Variants in MYO5A observed in about 807,000 individuals in gnomAD.
The protein encoded by MYO5A is myosin VA, also known as unconventional myosin-Va.
Under a neutral mutation model 249.7 loss-of-function variants are expected in MYO5A, and 98 were observed. The observed-to-expected ratio is 0.39, with a 90% CI of 0.33 to 0.46. The LOEUF (loss-of-function observed/expected upper bound fraction) is 0.46. Ranked by LOEUF, MYO5A falls within the 20% of genes least tolerant of loss-of-function variation. MYO5A has a pLI of 0.98. For synonymous variants in MYO5A, 778 were observed against 810.6 expected (o/e 0.96, Z 0.68); for missense variants, 1,696 against 2,308.8 (o/e 0.73, Z 5.44).
chr15:52,383,229 C>T (rs1360333103), intron 15 of MYO5A, 41 bp from the exon 16 acceptor site: 2 of 1,478,596 alleles, frequency 1.4e-6, no homozygotes, highest in Admixed American at 1.7e-5. Context: ...AGGCTTTGTC[C>T]AAAGTCAAAG....
At chr15:52,441,474 T>G (rs2950056) in intron 1 of MYO5A, among the ~76,000 whole-genome samples, 1 of 151,956 alleles carries the variant, frequency 6.6e-6, no homozygotes, top group Non-Finnish European at 1.5e-5. Context: ...CATTTCATCC[T>G]GCTCCCCACC....
intron 1 of MYO5A, among the ~76,000 whole-genome samples, chr15:52,493,360 A>G (rs968553358): frequency 6.6e-6 from 1 of 152,214 alleles, no homozygotes; most frequent in Non-Finnish European, 1.5e-5. Flanking sequence ...TGTTTCTTCC[A>G]TTTCAAAAAT....
At chr15:52,393,403 T>G (rs945918866) in intron 11 of MYO5A, among the ~76,000 whole-genome samples, 3 of 151,814 alleles carry the variant, frequency 2.0e-5, no homozygotes, top group Non-Finnish European at 4.4e-5. Flanking sequence ...TTCTTTTCTT[T>G]TTTTTTTTGA....
intron 5 of MYO5A, among the ~76,000 whole-genome samples, chr15:52,413,618 T>C (rs928445776): frequency 8.5e-5 from 13 of 152,182 alleles, no homozygotes; most frequent in African/African-American, 3.1e-4. Context: ...GGACATAGTA[T>C]TGAAGCGATT....
intron 38 of MYO5A, among the ~76,000 whole-genome samples, chr15:52,319,624 A>G (rs2038205272): frequency 6.6e-6 from 1 of 152,102 alleles, no homozygotes; most frequent in South Asian, 2.1e-4. Flanking sequence ...CCAGCTACTC[A>G]GAAGGCTGAG....
chr15:52,407,279 A>G lies in MYO5A; in HGVS notation c.946+13T>C, dbSNP rs756256275. 4 of 1,586,674 alleles carry G rather than the reference A, an allele frequency of 2.5e-6. No individual in the cohort carries two copies. In the Admixed American group the frequency reaches 5.0e-5, roughly 20 times the overall value. On this transcript the variant is annotated intron_variant, in intron 8 of 41. Transcript: ENST00000399233. ...CTATTCCTCTTAAGAGCTCAAGAATAAAGTGACATTACCTAGCAAAGTGCA... is the reference window on the plus strand; with the variant it reads ...CTATTCCTCTTAAGAGCTCAAGAATGAAGTGACATTACCTAGCAAAGTGCA...
chr15:52,328,427 C>T (rs1039922732), intron 35 of MYO5A, among the ~76,000 whole-genome samples: 7 of 152,138 alleles, frequency 4.6e-5, no homozygotes, highest in African/African-American at 1.7e-4. Flanking sequence ...TTTTTGACTC[C>T]TTTCTTTTCT....
rs115448072 is a variant in MYO5A, at chr15:52,510,578, G to A, written c.27+18202C>T. Among the ~76,000 whole-genome samples, 776 of 152,328 alleles carry A rather than the reference G, an allele frequency of 5.1e-3. 5 individuals carry two copies. The highest frequency in any genetic ancestry group is 0.017 in the African/African-American group (727 of 41,566). Reference sequence around the variant, plus strand: ...ACCACCTGAGCTCCGTCTCCTGTCAGATCAGCAGTGGCATTAGATTCTCAT... The same window carrying A: ...ACCACCTGAGCTCCGTCTCCTGTCAAATCAGCAGTGGCATTAGATTCTCAT... On this transcript the variant is annotated intron_variant, in intron 1 of 41. Transcript: ENST00000399233.
chr15:52,370,192 G>T lies in MYO5A; in HGVS notation c.3043C>A (p.Arg1015=). Residue 1015 remains arginine, a synonymous_variant, in exon 22 of 42, where the codon CGA becomes AGA. Coordinates refer to ENST00000399233, the MANE Select transcript of MYO5A (RefSeq NM_001382347.1). ...EKKCIEEHAD[R]YKQETEQLVS... is the part of the protein sequence containing the mutation. ...ACCTGCTCTGTTTCTTGTTTGTATCGATCTGCATGTTCCTCAATGCATTTT... is the reference window on the plus strand; with the variant it reads ...ACCTGCTCTGTTTCTTGTTTGTATCTATCTGCATGTTCCTCAATGCATTTT... The T allele has an allele frequency of 6.2e-7, 1 of 1,613,994 alleles. No homozygotes were observed. The highest frequency in any genetic ancestry group is 8.5e-7 in the Non-Finnish European group (1 of 1,179,952).
chr15:52,332,128 A>G (rs1174995314), intron 34 of MYO5A, among the ~76,000 whole-genome samples: 2 of 152,232 alleles, frequency 1.3e-5, no homozygotes, highest in African/African-American at 2.4e-5. Context: ...CTATGCCACT[A>G]GTAACTTTTA....
chr15:52,344,475 G>A (rs1422463952), intron 30 of MYO5A, among the ~76,000 whole-genome samples: 12 of 151,978 alleles, frequency 7.9e-5, no homozygotes, highest in Non-Finnish European at 1.8e-4. Flanking sequence ...TCCATCCCTC[G>A]CCCACACATT....
intron 9 of MYO5A, among the ~76,000 whole-genome samples, chr15:52,404,772 G>T (rs1032600085): frequency 2.6e-5 from 4 of 152,104 alleles, no homozygotes; most frequent in African/African-American, 9.7e-5. Context: ...GAAACAGCCT[G>T]GCATGGAAAT....
chr15:52,359,968 C>T lies in MYO5A; in HGVS notation c.3423G>A (p.Glu1141=), dbSNP rs781112990. 48 of 1,591,160 alleles carry T rather than the reference C, an allele frequency of 3.0e-5. No individual in the cohort carries two copies. The highest frequency in any genetic ancestry group is 4.1e-5 in the Non-Finnish European group (48 of 1,160,340). ...AEMEDIPSRT[E]EPSEKKVPLD... is the part of the protein sequence containing the mutation. ...TCAGTGACAGATGTCTAAACTGTAC[C>T]TCTGTCCTTGATGGAATGTCTTCCA... Residue 1141 remains glutamate, a splice_region_variant and synonymous_variant, in exon 25 of 42, where the codon GAG becomes GAA. Coordinates refer to ENST00000399233, the MANE Select transcript of MYO5A (RefSeq NM_001382347.1).
intron 38 of MYO5A, among the ~76,000 whole-genome samples, chr15:52,321,106 T>A (rs1045535791): frequency 1.3e-5 from 2 of 152,146 alleles, no homozygotes; most frequent in African/African-American, 4.8e-5. Context: ...TGCATTCAAC[T>A]GAATTTAAAC....
intron 31 of MYO5A, among the ~76,000 whole-genome samples, chr15:52,342,658 T>G (rs186365997): frequency 8.6e-4 from 131 of 152,280 alleles, no homozygotes; most frequent in Non-Finnish European, 1.5e-3. Context: ...CTGACGCCTG[T>G]AATCCCAATA....
In MYO5A at chr15:52,385,576, A is replaced by AT. The variant is rs768015184; in HGVS notation, c.1753-1255dup. Among the ~76,000 whole-genome samples, 130 of 151,552 alleles carry AT rather than the reference A, an allele frequency of 8.6e-4. 2 individuals carry two copies. Among genetic ancestry groups the AT allele is most frequent in the South Asian group, 1.5e-3 (7 of 4,804 alleles). ...AGTTTATAATTCCATATATATATAT[A>AT]TTTTTTTAAACTCCTTTTCAAATTG... On this transcript the variant is annotated intron_variant, in intron 14 of 41. Transcript: ENST00000399233.
chr15:52,502,300 A>G (rs1362861282), intron 1 of MYO5A, among the ~76,000 whole-genome samples: 1 of 152,114 alleles, frequency 6.6e-6, no homozygotes, highest in Non-Finnish European at 1.5e-5. Context: ...ATATACATAC[A>G]TACATACATA....
At chr15:52,448,879 G>A (rs1416092638) in intron 1 of MYO5A, among the ~76,000 whole-genome samples, 3 of 151,192 alleles carry the variant, frequency 2.0e-5, no homozygotes, top group Admixed American at 1.3e-4. Context: ...ATGTGGAATC[G>A]GGAGCCAATC....
At chr15:52,324,705 A>C (rs544020945) in intron 36 of MYO5A, among the ~76,000 whole-genome samples, 7 of 152,300 alleles carry the variant, frequency 4.6e-5, no homozygotes, top group African/African-American at 1.7e-4. Context: ...AGTGCACAGG[A>C]TATATCATGG....
Sources: allele counts gnomAD v4.1 joint callset (sites outside exome capture counted in the v4.1 genomes callset), GRCh38; gene constraint gnomAD v4.1.1; transcripts MANE v1.5; gene names NCBI Gene and HGNC (gene_info 2026-07-23, HGNC 2026-07-21).